OSBPL5: variants seen among roughly 807,000 people sequenced by gnomAD.
OSBPL5 encodes the protein oxysterol binding protein like 5.
Under a neutral mutation model 111.2 loss-of-function variants are expected in OSBPL5, and 71 were observed. The ratio of observed to expected loss-of-function variants is 0.64; its 90% CI spans 0.53 to 0.78. OSBPL5 has a LOEUF of 0.78. Ranked by LOEUF, OSBPL5 falls within the 30% of genes least tolerant of loss-of-function variation. The pLI is 0.00. For synonymous variants in OSBPL5, 549 were observed against 513.9 expected, an observed-to-expected ratio of 1.07 and a Z score of -0.93; for missense variants, 1,210 against 1,189.3, an observed-to-expected ratio of 1.02 and a Z score of -0.26.
intron 1 of OSBPL5, among the ~76,000 whole-genome samples, chr11:3,129,546 G>A (rs560649212): frequency 1.3e-5 from 2 of 152,280 alleles, no homozygotes; most frequent in South Asian, 4.1e-4. Flanking sequence ...TCCCTCCCAC[G>A]TGACAGCACT....
At position 3,088,042 on chromosome 11, in the gene OSBPL5, T is replaced by C. The variant is rs1005008095; in HGVS notation, c.*163A>G. On this transcript the variant is annotated 3_prime_UTR_variant, in exon 22 of 22. Coordinates refer to ENST00000263650, the MANE Select transcript of OSBPL5 (RefSeq NM_020896.4). The stretch of plus-strand genomic sequence containing the variant: ...GCCCCTGAGAGGGGCCCAGCACACC[T>C]GGGCCCGCAGCGCCTTGTGGCCCCG... The C allele has an allele frequency of 4.4e-5, 25 of 573,748 alleles. No homozygotes were observed. Among genetic ancestry groups the C allele is most frequent in the Admixed American group, 3.1e-4 (7 of 22,276 alleles). 35.5% of individuals were successfully genotyped at this position (573,748 alleles called of 1,614,324 possible). A position where few individuals can be genotyped will look rare whatever the true frequency, so the allele number is the denominator to read the frequency against.
At chr11:3,102,495 G>A (rs1857494597) in intron 11 of OSBPL5, among the ~76,000 whole-genome samples, 1 of 152,154 alleles carries the variant, frequency 6.6e-6, no homozygotes, top group Non-Finnish European at 1.5e-5. Context: ...AGCCTCAGGG[G>A]AATCCTGTCC....
Position 3,141,036 on chromosome 11 carries a change from T to C in OSBPL5, c.-21-11867A>G, listed in dbSNP as rs1357184349. 2.0e-4 allele frequency among the ~76,000 whole-genome samples: 31 copies of C among 152,124 alleles called. 1 individual carries two copies. Among genetic ancestry groups the C allele is most frequent in the Admixed American group, 2.0e-3 (31 of 15,290 alleles). On this transcript the variant is annotated intron_variant, in intron 1 of 21. Coordinates refer to ENST00000263650, the MANE Select transcript of OSBPL5 (RefSeq NM_020896.4). The surrounding 1 kb of genome is among the most constrained non-coding windows in gnomAD (Gnocchi z 6.5). ...AGGTAGGACCCTGGGGGCACCAACT[T>C]GGGTGGGGGTCAGCCCAATGCCTTG... is the stretch of plus-strand genomic sequence containing the variant.
chr11:3,089,657 C>T (rs1244718540), intron 21 of OSBPL5, among the ~76,000 whole-genome samples, 189 bp downstream of exon 21: 4 of 152,186 alleles, frequency 2.6e-5, no homozygotes, highest in Non-Finnish European at 5.9e-5. Context: ...CACCACCTGC[C>T]GCTCCCACAC....
chr11:3,099,494 C>T (rs1857383522), intron 14 of OSBPL5, among the ~76,000 whole-genome samples: 1 of 152,162 alleles, frequency 6.6e-6, no homozygotes, highest in Admixed American at 6.5e-5. Flanking sequence ...ACTCTCTGTA[C>T]TTCCTGCTCA....
chr11:3,140,791 G>T lies in OSBPL5; in HGVS notation c.-21-11622C>A, dbSNP rs1461339271. 6.6e-6 allele frequency among the ~76,000 whole-genome samples: 1 copy of T among 152,136 alleles called. No homozygotes were observed. The highest frequency in any genetic ancestry group is 1.5e-5 in the Non-Finnish European group (1 of 68,026). The stretch of plus-strand genomic sequence containing the variant: ...GTGGGTACCTGGGGCGGCCCCTCAT[G>T]TCCAGGAGCTGAGGCTGCCCCTGGG... On this transcript the variant is annotated intron_variant, in intron 1 of 21. Transcript: ENST00000263650. This position sits in a 1 kb window ranked among gnomAD's most constrained non-coding sequence, Gnocchi z 4.5.
At chr11:3,148,171 TC>T (rs1228174478) in intron 1 of OSBPL5, among the ~76,000 whole-genome samples, 7 of 152,138 alleles carry the variant, frequency 4.6e-5, no homozygotes, top group Non-Finnish European at 1.0e-4. Context: ...CAGCCGGGAC[TC>T]CCCGGGGAGC....
chr11:3,147,033 C>G (rs1846374226), intron 1 of OSBPL5, among the ~76,000 whole-genome samples: 1 of 152,132 alleles, frequency 6.6e-6, no homozygotes, highest in African/African-American at 2.4e-5. Context: ...GGGCCGAGGC[C>G]CCAGCTCTGT....
intron 1 of OSBPL5, among the ~76,000 whole-genome samples, chr11:3,150,036 A>C (rs1846523224): frequency 6.6e-6 from 1 of 152,182 alleles, no homozygotes; most frequent in South Asian, 2.1e-4. Context: ...ACAGATGTGC[A>C]TGCACACACA....
rs1200494885 is a variant in OSBPL5 at position 3,154,340 on chromosome 11, G to A, written c.-22+10876C>T. ...AACATGCCGAGTCACCCACATCCTG[G>A]CCTCCCCGCCCACTTTGCCGGTGGG... is the stretch of plus-strand genomic sequence containing the variant. On this transcript the variant is annotated intron_variant, in intron 1 of 21. Coordinates refer to ENST00000263650, the MANE Select transcript of OSBPL5 (RefSeq NM_020896.4). The surrounding 1 kb of genome is among the most constrained non-coding windows in gnomAD (Gnocchi z 4.9). Among the ~76,000 whole-genome samples, 1 of 152,230 alleles carries A rather than the reference G, an allele frequency of 6.6e-6. No homozygotes were observed. The highest frequency in any genetic ancestry group is 2.4e-5 in the African/African-American group (1 of 41,476).
chr11:3,093,193 C>T, intron 17 of OSBPL5, 141 bp from the exon 18 acceptor site: 1 of 938,070 alleles, frequency 1.1e-6, no homozygotes, highest in South Asian at 1.8e-5. Context: ...GAGCTCACTA[C>T]TTTGAAGAGA....
chr11:3,093,783 G>T lies in OSBPL5; in HGVS notation c.1772C>A (p.Ser591Ter). The change falls in exon 16 of 22, where the codon TCG (serine) becomes TAG (stop). Residue 591 changes from serine (S) to a stop codon, truncating the protein, a stop_gained. Transcript: ENST00000263650. LOFTEE classifies it high-confidence loss of function. ...GAGGCTCGCCAGGACTTCCTCTCCC[G>T]ACGTGATCTTTCCCGAGATCTGGTT... Reference protein sequence around the residue: ...SINQISGKITSGEEVLASLSG... With the variant: ...SINQISGKIT The T allele has an allele frequency of 6.2e-7, 1 of 1,613,086 alleles. No homozygotes were observed. Among genetic ancestry groups the T allele is most frequent in the Non-Finnish European group, 8.5e-7 (1 of 1,180,002 alleles).
intron 13 of OSBPL5, among the ~76,000 whole-genome samples, chr11:3,100,507 C>T (rs960264507): frequency 9.9e-5 from 15 of 152,224 alleles, no homozygotes; most frequent in Non-Finnish European, 7.3e-5. Flanking sequence ...TTATTGCAGT[C>T]GCAAAACTGC....
Position 3,130,175 on chromosome 11 carries a change from G to C in OSBPL5, c.-21-1006C>G, listed in dbSNP as rs1037696289. Reference sequence around the variant, plus strand: ...ACAGATGAGAAAATCATGGCTCAGGGAGTGGAAGGCCTCGACCTGTAATCG... The same window carrying C: ...ACAGATGAGAAAATCATGGCTCAGGCAGTGGAAGGCCTCGACCTGTAATCG... On this transcript the variant is annotated intron_variant, in intron 1 of 21. Transcript: ENST00000263650. The surrounding 1 kb of genome is among the most constrained non-coding windows in gnomAD (Gnocchi z 4.5). 6.6e-6 allele frequency among the ~76,000 whole-genome samples: 1 copy of C among 152,264 alleles called. No individual in the cohort carries two copies. The highest frequency in any genetic ancestry group is 6.5e-5 in the Admixed American group (1 of 15,290).
chr11:3,094,879 TG>T (rs1294264139), intron 14 of OSBPL5: 3 of 151,914 alleles, frequency 2.0e-5, no homozygotes, highest in African/African-American at 7.3e-5. Flanking sequence ...TTCTTTGTTT[TG>T]TTTTTTTTCA....
rs1361336730 is a variant in OSBPL5, at chr11:3,146,575, G to GGCACCCGGTTTCCATC, written c.-21-17422_-21-17407dup. 6.6e-6 allele frequency: 1 copy of GGCACCCGGTTTCCATC among 152,192 alleles called. No homozygotes were observed. The highest frequency in any genetic ancestry group is 6.5e-5 in the Admixed American group (1 of 15,282). 9.4% of individuals were successfully genotyped at this position (152,192 alleles called of 1,614,324 possible). On this transcript the variant is annotated intron_variant, in intron 1 of 21. Coordinates refer to ENST00000263650, the MANE Select transcript of OSBPL5 (RefSeq NM_020896.4). This position sits in a 1 kb window ranked among gnomAD's most constrained non-coding sequence, Gnocchi z 7.8. ...GGGACGAGGCACCCGGTGTCTTTCT[G>GGCACCCGGTTTCCATC]GCACCCGGTTTCCATCGCACCCGGT... is the stretch of plus-strand genomic sequence containing the variant.
intron 14 of OSBPL5, chr11:3,094,906 A>C (rs4758522): frequency 0.25 from 38,022 of 152,088 alleles, 5,366 homozygotes; most frequent in African/African-American, 0.36. Context: ...TGAAGGAAAG[A>C]ACAACTTTTC....
Position 3,106,338 on chromosome 11 carries a change from T to C in OSBPL5, c.1059+925A>G, listed in dbSNP as rs1857692975. ...AGTGACAGCCACGGCCTTGCTCTTG[T>C]CTCGCCTCCCGGGTGAGAATGACAA... On this transcript the variant is annotated intron_variant, in intron 9 of 21. Transcript: ENST00000263650. This position sits in a 1 kb window ranked among gnomAD's most constrained non-coding sequence, Gnocchi z 8.4. Among the ~76,000 whole-genome samples, 1 of 152,080 alleles carries C rather than the reference T, an allele frequency of 6.6e-6. No homozygotes were observed. The highest frequency in any genetic ancestry group is 1.5e-5 in the Non-Finnish European group (1 of 68,014).
intron 7 of OSBPL5, 39 bp downstream of exon 7, chr11:3,119,508 G>T: frequency 6.5e-7 from 1 of 1,541,556 alleles, no homozygotes; most frequent in Non-Finnish European, 8.7e-7. Context: ...CACTTCAGGT[G>T]GGGGCACTGG....
Sources: gnomAD v4.1 joint callset for allele counts (sites outside exome capture counted in the v4.1 genomes callset) on GRCh38, gnomAD v4.1.1 for gene constraint, Gnocchi (gnomAD v3.1) non-coding constraint, MANE v1.5 for transcripts, NCBI Gene and HGNC (gene_info 2026-07-23, HGNC 2026-07-21) for gene names.